VGLL4: variants seen among roughly 807,000 people sequenced by gnomAD.
VGLL4 encodes the protein vestigial like family member 4, also known as transcription cofactor vestigial-like protein 4.
VGLL4 carries 7 observed loss-of-function variants against 21.0 expected under a neutral mutation model. The ratio of observed to expected loss-of-function variants is 0.33; its 90% CI spans 0.19 to 0.63. The LOEUF is 0.63. VGLL4 is among the 20% of genes least tolerant of loss of function. The pLI is 0.78. For synonymous variants in VGLL4, 222 were observed against 173.2 expected (o/e 1.28, Z -2.21); for missense variants, 394 against 425.7 (o/e 0.93, Z 0.66).
intron 2 of VGLL4, among the ~76,000 whole-genome samples, chr3:11,697,826 A>C (rs1347773953): frequency 5.3e-5 from 8 of 152,162 alleles, no homozygotes; most frequent in Admixed American, 5.2e-4. Context: ...CAATTAGTCA[A>C]CCTTCAATAA....
intron 1 of VGLL4, among the ~76,000 whole-genome samples, chr3:11,637,428 G>C (rs2075609469): frequency 6.6e-6 from 1 of 152,058 alleles, no homozygotes; most frequent in African/African-American, 2.4e-5. Flanking sequence ...ATATATTTCA[G>C]TTTGTCATGT....
intron 2 of VGLL4, among the ~76,000 whole-genome samples, chr3:11,571,465 C>T (rs2073774606): frequency 6.6e-6 from 1 of 152,088 alleles, no homozygotes; most frequent in Admixed American, 6.6e-5. Flanking sequence ...AGGTGGACTG[C>T]TTAGGCCCAG....
intron 2 of VGLL4, among the ~76,000 whole-genome samples, chr3:11,570,090 C>T (rs2073712986): frequency 6.6e-6 from 1 of 152,138 alleles, no homozygotes; most frequent in South Asian, 2.1e-4. Context: ...CCTGGGGTTT[C>T]TGATGTGCAC....
rs754039380 is a variant in VGLL4 at position 11,558,685 on chromosome 3, C to T, written c.762G>A (p.Thr254=). ...CCTTGGCCGCTTTGATCTGGAGCCA[C>T]GTGTCACCCAGAGCTTTGGCAAAGT... The part of the protein sequence containing the change: ...DDHFAKALGD[T]WLQIKAAKDG... Residue 254 remains threonine, a synonymous_variant, in exon 5 of 5, where the codon ACG becomes ACA. Coordinates refer to ENST00000430365, the MANE Select transcript of VGLL4 (RefSeq NM_001128219.3). 37 of 1,613,790 alleles carry T rather than the reference C, an allele frequency of 2.3e-5. No homozygotes were observed. The highest frequency in any genetic ancestry group is 5.5e-5 in the South Asian group (5 of 91,088).
chr3:11,692,386 G>A (rs2076538909), intron 2 of VGLL4, among the ~76,000 whole-genome samples: 2 of 152,142 alleles, frequency 1.3e-5, no homozygotes, highest in Admixed American at 1.3e-4. Flanking sequence ...CTTAGAGAAT[G>A]GCTTAAATAA....
intron 1 of VGLL4, among the ~76,000 whole-genome samples, chr3:11,716,123 G>A (rs1383096936): frequency 2.0e-5 from 3 of 151,928 alleles, no homozygotes; most frequent in African/African-American, 4.8e-5. Context: ...CCAACATGGT[G>A]AAGCCCCGTA....
In VGLL4 at chr3:11,679,544, G is replaced by A. The variant is rs541512283; in HGVS notation, c.64+23427C>T. Among the ~76,000 whole-genome samples the A allele has an allele frequency of 4.5e-4, 68 of 152,134 alleles. 1 individual carries two copies. In the South Asian group the frequency reaches 7.5e-3, roughly 17 times the overall value. The stretch of plus-strand genomic sequence containing the variant: ...CTAAAAATACAAAACTTAGCCAGGC[G>A]TGGTAGCATGTGCCTGTAATCCCTG... On this transcript the variant is annotated intron_variant, in intron 2 of 5. Transcript: ENST00000273038.
chr3:11,719,533 C>G lies in VGLL4; in HGVS notation c.-14+861G>C, dbSNP rs2076964547. On this transcript the variant is annotated intron_variant, in intron 1 of 5. Coordinates refer to the VGLL4 transcript ENST00000273038. The surrounding 1 kb of genome is among the most constrained non-coding windows in gnomAD (Gnocchi z 4.0). ...CCCCGAGGGCGCGCAGACGCACAGG[C>G]GGGCTCGCGCCCGAGCCCCCGCACG... 6.7e-6 allele frequency: 1 copy of G among 150,028 alleles called. No homozygotes were observed. The highest frequency in any genetic ancestry group is 1.5e-5 in the Non-Finnish European group (1 of 66,824). The allele number at this position is 150,028 out of a possible 1,614,324, so 9.3% of individuals were successfully genotyped here. A position where few individuals can be genotyped will look rare whatever the true frequency, so the allele number is the denominator to read the frequency against.
intron 2 of VGLL4, among the ~76,000 whole-genome samples, chr3:11,589,572 T>C (rs1258727228): frequency 2.0e-5 from 3 of 152,182 alleles, no homozygotes; most frequent in Admixed American, 1.3e-4. Flanking sequence ...CCAAGGAATA[T>C]TAAAAATAGG....
chr3:11,575,099 T>C (rs754470505), intron 2 of VGLL4, among the ~76,000 whole-genome samples: 5 of 151,978 alleles, frequency 3.3e-5, no homozygotes, highest in Non-Finnish European at 2.9e-5. Flanking sequence ...GAAAAGTGGA[T>C]TGAGAGGTGG....
intron 2 of VGLL4, among the ~76,000 whole-genome samples, chr3:11,571,234 C>T (rs2073763233): frequency 6.6e-6 from 1 of 152,166 alleles, no homozygotes; most frequent in African/African-American, 2.4e-5. Flanking sequence ...CTGTCTCTGC[C>T]TTCTATGCGT....
chr3:11,603,866 C>T (rs1484208617), intron 1 of VGLL4, among the ~76,000 whole-genome samples: 1 of 152,224 alleles, frequency 6.6e-6, no homozygotes, highest in African/African-American at 2.4e-5. Flanking sequence ...GGAGCCGTCA[C>T]TCATTCCACC....
intron 1 of VGLL4, among the ~76,000 whole-genome samples, chr3:11,638,363 C>T (rs957037112): frequency 1.3e-5 from 2 of 152,104 alleles, no homozygotes; most frequent in African/African-American, 4.8e-5. Context: ...TTTCGAGAAG[C>T]GGGCTGAGAA....
chr3:11,649,946 TTTGG>T (rs1249331937), intron 2 of VGLL4, among the ~76,000 whole-genome samples: 9 of 142,888 alleles, frequency 6.3e-5, no homozygotes, highest in South Asian at 4.3e-4. Context: ...TTTGGTTTGG[TTTGG>T]TTTTTTTGAA....
intron 3 of VGLL4, among the ~76,000 whole-genome samples, chr3:11,563,662 G>A (rs1247209650): frequency 1.3e-5 from 2 of 152,192 alleles, no homozygotes; most frequent in Admixed American, 6.5e-5. Flanking sequence ...ACACATCAGC[G>A]ATCTCTCCTC....
chr3:11,657,945 A>C (rs2075980199), intron 2 of VGLL4, among the ~76,000 whole-genome samples: 1 of 152,062 alleles, frequency 6.6e-6, no homozygotes, highest in Non-Finnish European at 1.5e-5. Context: ...TTTCTTCTTG[A>C]GACAGGGTCT....
chr3:11,696,067 G>A (rs1002830919), intron 2 of VGLL4, among the ~76,000 whole-genome samples: 9 of 152,176 alleles, frequency 5.9e-5, no homozygotes, highest in African/African-American at 2.2e-4. Flanking sequence ...TGCATTTCCC[G>A]TTTGGGCTTT....
chr3:11,689,141 A>G (rs1348476819), intron 2 of VGLL4, among the ~76,000 whole-genome samples: 1 of 152,166 alleles, frequency 6.6e-6, no homozygotes, highest in African/African-American at 2.4e-5. Flanking sequence ...ACAGAGGAAA[A>G]AAGTTTTCTT....
At chr3:11,651,105 T>C (rs2075865035) in intron 2 of VGLL4, among the ~76,000 whole-genome samples, 1 of 152,110 alleles carries the variant, frequency 6.6e-6, no homozygotes, top group South Asian at 2.1e-4. Flanking sequence ...CCCAGCACTT[T>C]GGGAGGGCGG....
Sources: gnomAD v4.1 joint callset for allele counts (sites outside exome capture counted in the v4.1 genomes callset) on GRCh38, gnomAD v4.1.1 for gene constraint, Gnocchi (gnomAD v3.1) non-coding constraint, MANE v1.5 for transcripts, NCBI Gene and HGNC (gene_info 2026-07-23, HGNC 2026-07-21) for gene names.